Variants in FHIT observed in about 807,000 individuals in gnomAD.
FHIT encodes bis(5'-adenosyl)-triphosphatase.
A neutral mutation model predicts 17.9 loss-of-function variants in FHIT; 19 were observed. That is an observed-to-expected ratio of 1.06 (90% CI 0.74 to 1.56). FHIT has a LOEUF of 1.56. Ranked by LOEUF, FHIT falls within the 40% of genes most tolerant of loss-of-function variation. The probability of loss-of-function intolerance (pLI) is 0.00; values close to 1 mark genes in which losing one functional copy is unlikely to be tolerated. For missense variants in FHIT, 248 were observed against 189.2 expected (o/e 1.31, Z -1.82); for synonymous variants, 81 against 69.7 (o/e 1.16, Z -0.81).
intron 2 of FHIT, among the ~76,000 whole-genome samples, chr3:61,105,352 C>T (rs2035959730): frequency 6.6e-6 from 1 of 152,060 alleles, no homozygotes; most frequent in South Asian, 2.1e-4. Flanking sequence ...ACTCAGCTTC[C>T]AACTCATGGA....
intron 5 of FHIT, among the ~76,000 whole-genome samples, chr3:60,156,106 C>T (rs1160250003): frequency 1.3e-5 from 2 of 152,110 alleles, no homozygotes; most frequent in Non-Finnish European, 2.9e-5. Flanking sequence ...GTAATCCCAG[C>T]ACTTTGGGAG....
chr3:60,379,673 C>G (rs891196746), intron 5 of FHIT, among the ~76,000 whole-genome samples: 1 of 152,062 alleles, frequency 6.6e-6, no homozygotes, highest in African/African-American at 2.4e-5. Flanking sequence ...TATAATCAGA[C>G]AACATCTTAA....
chr3:60,356,941 A>T (rs1243808069), intron 5 of FHIT, among the ~76,000 whole-genome samples: 1 of 152,160 alleles, frequency 6.6e-6, no homozygotes, highest in African/African-American at 2.4e-5. Flanking sequence ...GTCATAGATC[A>T]ATACCAAACA....
intron 5 of FHIT, among the ~76,000 whole-genome samples, chr3:60,082,639 G>C (rs1266523791): frequency 6.6e-6 from 1 of 151,966 alleles, no homozygotes; most frequent in African/African-American, 2.4e-5. Context: ...CAGCATCTGT[G>C]TCTTTTTGGC....
chr3:60,035,744 C>T (rs13066837), intron 5 of FHIT, among the ~76,000 whole-genome samples: 35,496 of 152,084 alleles, frequency 0.23, 5,335 homozygotes, highest in Non-Finnish European at 0.33. Context: ...TCACTATTCT[C>T]GCCAGCACTT....
At chr3:60,537,399 T>G in intron 4 of FHIT, 1 of 822,152 alleles carries the variant, frequency 1.2e-6, no homozygotes, top group African/African-American at 1.8e-5. Flanking sequence ...TAAATGCTTC[T>G]CTCAAATGGT....
chr3:60,159,037 T>G (rs913235106), intron 5 of FHIT, among the ~76,000 whole-genome samples: 10 of 152,126 alleles, frequency 6.6e-5, no homozygotes, highest in Non-Finnish European at 1.5e-4. Context: ...CTAACCTTTT[T>G]CATTATTACC....
intron 3 of FHIT, among the ~76,000 whole-genome samples, chr3:61,024,861 C>T (rs1559919184): frequency 6.6e-6 from 1 of 151,970 alleles, no homozygotes; most frequent in African/African-American, 2.4e-5. Context: ...TATAGAGCAA[C>T]TCTGATTAAT....
intron 5 of FHIT, among the ~76,000 whole-genome samples, chr3:60,390,689 G>A (rs1438216682): frequency 6.6e-6 from 1 of 151,868 alleles, no homozygotes; most frequent in African/African-American, 2.4e-5. Context: ...CTAGGCTAAT[G>A]TGTGTGTTTG....
intron 4 of FHIT, among the ~76,000 whole-genome samples, chr3:60,622,025 A>G (rs967701657): frequency 6.6e-6 from 1 of 152,166 alleles, no homozygotes; most frequent in African/African-American, 2.4e-5. Flanking sequence ...TCTCTTAGCT[A>G]CACAAACATA....
intron 5 of FHIT, among the ~76,000 whole-genome samples, chr3:60,100,006 C>A (rs769700355): frequency 6.6e-6 from 1 of 152,162 alleles, no homozygotes; most frequent in African/African-American, 2.4e-5. Context: ...TCAGGAACAA[C>A]AGTCACAGTT....
intron 4 of FHIT, among the ~76,000 whole-genome samples, chr3:60,636,369 A>G (rs1206513355): frequency 1.3e-5 from 2 of 152,108 alleles, no homozygotes; most frequent in Non-Finnish European, 2.9e-5. Flanking sequence ...ACGCCTGGCC[A>G]GAATGAATGA....
Position 59,824,767 on chromosome 3 carries a change from A to G in FHIT, c.349-72446T>C, listed in dbSNP as rs1159876111. On this transcript the variant is annotated intron_variant, in intron 8 of 9. Coordinates refer to ENST00000492590, the MANE Select transcript of FHIT (RefSeq NM_002012.4). ...TTCAGTGTGTTAAATCAATATGTTCAAAGTAGTTTAAATGTCCAATACTGG... is the reference window on the plus strand; with the variant it reads ...TTCAGTGTGTTAAATCAATATGTTCGAAGTAGTTTAAATGTCCAATACTGG... Among the ~76,000 whole-genome samples, 3 of 152,214 alleles carry G rather than the reference A, an allele frequency of 2.0e-5. No homozygotes were observed. In the East Asian group the frequency reaches 5.8e-4, roughly 29 times the overall value.
chr3:59,795,983 T>C (rs1003785133), intron 8 of FHIT, among the ~76,000 whole-genome samples: 5 of 152,164 alleles, frequency 3.3e-5, no homozygotes. Flanking sequence ...CGCCCTGCTG[T>C]GTGGTTTTAT....
chr3:60,733,131 G>A (rs1358924668), intron 4 of FHIT, among the ~76,000 whole-genome samples: 1 of 152,200 alleles, frequency 6.6e-6, no homozygotes, highest in African/African-American at 2.4e-5. Context: ...CATGATGCTA[G>A]AGAGCAATTA....
intron 2 of FHIT, among the ~76,000 whole-genome samples, chr3:61,199,137 C>A (rs1238573150): frequency 6.6e-6 from 1 of 152,128 alleles, no homozygotes; most frequent in Non-Finnish European, 1.5e-5. Context: ...CTAGTAAAAG[C>A]CAAATCATGA....
chr3:60,450,717 T>C (rs1287916314), intron 5 of FHIT, among the ~76,000 whole-genome samples: 1 of 152,148 alleles, frequency 6.6e-6, no homozygotes, highest in Non-Finnish European at 1.5e-5. Context: ...GCCTCACTTA[T>C]TAATGGAAAA....
chr3:60,077,044 A>G (rs1703039605), intron 5 of FHIT, among the ~76,000 whole-genome samples: 1 of 146,168 alleles, frequency 6.8e-6, no homozygotes, highest in South Asian at 2.2e-4. Context: ...AATAAGATAG[A>G]TAAAACTTAG....
chr3:61,036,289 G>T (rs1275818598), intron 3 of FHIT, among the ~76,000 whole-genome samples: 1 of 152,090 alleles, frequency 6.6e-6, no homozygotes, highest in Admixed American at 6.5e-5. Flanking sequence ...CCAAGGGACT[G>T]ATGCTAAGCT....
Sources: gnomAD v4.1 joint callset for allele counts (sites outside exome capture counted in the v4.1 genomes callset) on GRCh38, gnomAD v4.1.1 for gene constraint, MANE v1.5 for transcripts, NCBI Gene and HGNC (gene_info 2026-07-23, HGNC 2026-07-21) for gene names.